SNTG1: variants seen among roughly 807,000 people sequenced by gnomAD.
SNTG1 encodes the protein gamma-1-syntrophin.
SNTG1 carries 39 observed loss-of-function variants against 74.7 expected under a neutral mutation model. That is an observed-to-expected ratio of 0.52 (90% confidence interval 0.40 to 0.68). The LOEUF (loss-of-function observed/expected upper bound fraction) is 0.68. SNTG1 is among the 30% of genes least tolerant of loss of function. The probability of loss-of-function intolerance (pLI) is 0.00; values close to 1 mark genes in which losing one functional copy is unlikely to be tolerated. For missense variants in SNTG1, 685 were observed against 609.5 expected, an observed-to-expected ratio of 1.12 and a Z score of -1.30; for synonymous variants, 254 against 217.1, an observed-to-expected ratio of 1.17 and a Z score of -1.49.
chr8:50,327,164 T>A (rs2090782448), intron 2 of SNTG1, among the ~76,000 whole-genome samples: 1 of 152,162 alleles, frequency 6.6e-6, no homozygotes, highest in Admixed American at 6.5e-5. Context: ...ATGTTGTGAA[T>A]ACCAATTAGA....
intron 1 of SNTG1, among the ~76,000 whole-genome samples, chr8:50,019,524 G>T (rs1276787988): frequency 2.0e-5 from 3 of 151,998 alleles, no homozygotes; most frequent in African/African-American, 7.2e-5. Context: ...ATCTATCTAT[G>T]AAAAATTTAT....
intron 2 of SNTG1, among the ~76,000 whole-genome samples, chr8:50,273,220 A>C (rs1468713526): frequency 6.6e-6 from 1 of 152,176 alleles, no homozygotes. Flanking sequence ...TTTGAGGGAA[A>C]TAAAAGCAGC....
Position 50,165,224 on chromosome 8 carries a change from C to T in SNTG1, c.-102-7337C>T, listed in dbSNP as rs150502998. 1.8e-3 allele frequency among the ~76,000 whole-genome samples: 280 copies of T among 152,286 alleles called. 1 individual carries two copies. The highest frequency in any genetic ancestry group is 6.4e-3 in the African/African-American group (267 of 41,558). ...ATTAAGTGAGGTCAATTTAACTTAACATTTAGTCTCCATCCCCAGCCAGAG... is the reference window on the plus strand; with the variant it reads ...ATTAAGTGAGGTCAATTTAACTTAATATTTAGTCTCCATCCCCAGCCAGAG... On this transcript the variant is annotated intron_variant, in intron 1 of 18. Coordinates refer to ENST00000642720, the MANE Select transcript of SNTG1 (RefSeq NM_018967.5).
intron 1 of SNTG1, among the ~76,000 whole-genome samples, chr8:49,946,226 A>T (rs1014026017): frequency 1.3e-5 from 2 of 152,152 alleles, no homozygotes; most frequent in East Asian, 1.9e-4. Flanking sequence ...GTTGTTGTTC[A>T]TGTAAATCTG....
At chr8:50,257,442 C>T (rs868716633) in intron 2 of SNTG1, among the ~76,000 whole-genome samples, 5 of 152,200 alleles carry the variant, frequency 3.3e-5, no homozygotes, top group Middle Eastern at 6.8e-3. Flanking sequence ...GTGAGGCATG[C>T]CATAAGGACA....
At chr8:49,934,398 C>A (rs528868920) in intron 1 of SNTG1, among the ~76,000 whole-genome samples, 20 of 152,070 alleles carry the variant, frequency 1.3e-4, no homozygotes, top group African/African-American at 4.6e-4. Context: ...ATCATGTAGA[C>A]TTTCTTTGAG....
At chr8:50,050,464 C>A (rs950038644) in intron 1 of SNTG1, among the ~76,000 whole-genome samples, 2 of 151,876 alleles carry the variant, frequency 1.3e-5, no homozygotes, top group East Asian at 1.9e-4. Context: ...AATTAATAAC[C>A]TTCCAAAACA....
chr8:50,424,752 C>T (rs891279866), intron 4 of SNTG1, among the ~76,000 whole-genome samples: 1 of 152,062 alleles, frequency 6.6e-6, no homozygotes, highest in Non-Finnish European at 1.5e-5. Flanking sequence ...TTTTACTGTT[C>T]TTTAAATTTG....
chr8:50,698,846 A>C (rs1232793775), intron 15 of SNTG1, among the ~76,000 whole-genome samples: 1 of 152,096 alleles, frequency 6.6e-6, no homozygotes, highest in South Asian at 2.1e-4. Flanking sequence ...ATATGATTCT[A>C]TAGTGGGAAA....
chr8:50,288,649 A>T (rs1472434639), intron 2 of SNTG1, among the ~76,000 whole-genome samples: 1 of 152,148 alleles, frequency 6.6e-6, no homozygotes, highest in Admixed American at 6.6e-5. Context: ...ATTTCATGGG[A>T]TCAGTTTTGT....
intron 2 of SNTG1, among the ~76,000 whole-genome samples, chr8:50,182,001 C>G (rs1237964212): frequency 2.0e-5 from 3 of 152,030 alleles, no homozygotes; most frequent in African/African-American, 7.3e-5. Context: ...AAAAACCAAG[C>G]CAGATTTTCA....
At chr8:50,155,222 C>A (rs141892393) in intron 1 of SNTG1, among the ~76,000 whole-genome samples, 3 of 151,780 alleles carry the variant, frequency 2.0e-5, no homozygotes, top group African/African-American at 4.9e-5. Context: ...TGTAAAAATA[C>A]ACAGAGAGAT....
intron 12 of SNTG1, among the ~76,000 whole-genome samples, chr8:50,580,678 C>T (rs1029269982): frequency 6.6e-6 from 1 of 152,126 alleles, no homozygotes; most frequent in Non-Finnish European, 1.5e-5. Context: ...CTTGCTGCCA[C>T]AATATGATGA....
At chr8:50,066,073 G>A (rs1820873254) in intron 1 of SNTG1, among the ~76,000 whole-genome samples, 1 of 152,106 alleles carries the variant, frequency 6.6e-6, no homozygotes, top group African/African-American at 2.4e-5. Flanking sequence ...AAATTAGCTG[G>A]CCATGGTGGC....
intron 1 of SNTG1, among the ~76,000 whole-genome samples, chr8:50,141,164 C>T (rs1212131382): frequency 1.3e-5 from 2 of 152,154 alleles, no homozygotes; most frequent in Non-Finnish European, 2.9e-5. Flanking sequence ...GCAGGTCTTC[C>T]TATGAATGTC....
At chr8:50,397,577 A>C (rs1410329161) in intron 3 of SNTG1, among the ~76,000 whole-genome samples, 1 of 152,076 alleles carries the variant, frequency 6.6e-6, no homozygotes, top group East Asian at 1.9e-4. Context: ...GTAGTCTCTT[A>C]CTCGTTTTTT....
chr8:50,423,183 T>C (rs549679115), intron 4 of SNTG1, among the ~76,000 whole-genome samples: 1 of 152,280 alleles, frequency 6.6e-6, no homozygotes, highest in African/African-American at 2.4e-5. Flanking sequence ...GGAATCAAAG[T>C]AGAAACCAAT....
At chr8:50,116,559 C>T (rs1007290632) in intron 1 of SNTG1, among the ~76,000 whole-genome samples, 1 of 152,156 alleles carries the variant, frequency 6.6e-6, no homozygotes, top group African/African-American at 2.4e-5. Context: ...GTACCTAATT[C>T]GTATTCGTTC....
At chr8:50,084,323 TG>T (rs1822678450) in intron 1 of SNTG1, among the ~76,000 whole-genome samples, 1 of 152,000 alleles carries the variant, frequency 6.6e-6, no homozygotes, top group Admixed American at 6.6e-5. Flanking sequence ...TAGCCTGGCA[TG>T]GTAGTGGGCA....
Sources: gnomAD v4.1 joint callset for allele counts (sites outside exome capture counted in the v4.1 genomes callset) on GRCh38, gnomAD v4.1.1 for gene constraint, MANE v1.5 for transcripts, NCBI Gene and HGNC (gene_info 2026-07-23, HGNC 2026-07-21) for gene names.